Variants in SCUBE1 observed in about 807,000 individuals in gnomAD.
The protein encoded by SCUBE1 is signal peptide, CUB and EGF-like domain-containing protein 1.
Under a neutral mutation model 124.4 loss-of-function variants are expected in SCUBE1, and 59 were observed. That is an observed-to-expected ratio of 0.47 (90% CI 0.38 to 0.59). The LOEUF (loss-of-function observed/expected upper bound fraction) is 0.59, where lower values mean the gene tolerates loss of function less well. SCUBE1 is among the 20% of genes least tolerant of loss of function. The pLI is 0.00. For synonymous variants in SCUBE1, 545 were observed against 550.9 expected (o/e 0.99, Z 0.15); for missense variants, 1,150 against 1,371.2 (o/e 0.84, Z 2.55).
intron 20 of SCUBE1, 121 bp from the exon 21 acceptor site, chr22:43,207,734 G>C: frequency 1.3e-6 from 1 of 789,286 alleles, no homozygotes; most frequent in Non-Finnish European, 2.2e-6. Flanking sequence ...GGCTATGGCT[G>C]GCCGCAGCTC....
intron 14 of SCUBE1, among the ~76,000 whole-genome samples, chr22:43,218,704 C>T (rs1035232919): frequency 6.6e-6 from 1 of 152,238 alleles, no homozygotes; most frequent in Non-Finnish European, 1.5e-5. Context: ...GCAGCTGCCA[C>T]TGCACCACAT....
chr22:43,229,036 C>T (rs771941755), intron 9 of SCUBE1, 36 bp downstream of exon 9: 31 of 1,499,498 alleles, frequency 2.1e-5, no homozygotes, highest in Admixed American at 5.2e-5. Flanking sequence ...GCGCGTGCCT[C>T]GGGGGGGAGG....
At position 43,266,537 on chromosome 22, in the gene SCUBE1, C is replaced by T. The variant is rs549649562; in HGVS notation, c.485-3692G>A. Among the ~76,000 whole-genome samples, 13 of 152,318 alleles carry T rather than the reference C, an allele frequency of 8.5e-5. No homozygotes were observed. The South Asian group carries it at 2.7e-3, about 32-fold the overall frequency. On this transcript the variant is annotated intron_variant, in intron 4 of 21. Transcript: ENST00000360835. The stretch of plus-strand genomic sequence containing the variant: ...CAGGGTTGGACCCCTCCCTGCAGCG[C>T]ATCTTGTCTGTCTATCTTATAGAGA...
At chr22:43,240,158 G>T (rs1055974716) in intron 6 of SCUBE1, among the ~76,000 whole-genome samples, 1 of 152,222 alleles carries the variant, frequency 6.6e-6, no homozygotes, top group Middle Eastern at 3.4e-3. Context: ...GGTGGTGGGC[G>T]TCCTCCTCAT....
In SCUBE1 at chr22:43,225,490, G is replaced by A. The variant is rs979657488; in HGVS notation, c.1207+1884C>T. On this transcript the variant is annotated intron_variant, in intron 10 of 21. Transcript: ENST00000360835. ...AAGCAACAGATGGTAAAGAGCAGTA[G>A]AAGCGGCCGGGCTCGGTGGCTCACG... Among the ~76,000 whole-genome samples the A allele has an allele frequency of 2.7e-4, 41 of 151,766 alleles. 1 individual carries two copies. Among genetic ancestry groups the A allele is most frequent in the Admixed American group, 2.2e-3 (33 of 15,284 alleles).
At chr22:43,263,869 G>A (rs1923964893) in intron 4 of SCUBE1, among the ~76,000 whole-genome samples, 1 of 152,164 alleles carries the variant, frequency 6.6e-6, no homozygotes, top group Non-Finnish European at 1.5e-5. Flanking sequence ...ACTAAGCAAC[G>A]AGTTAGCACG....
At chr22:43,275,692 G>A (rs970211466) in intron 4 of SCUBE1, among the ~76,000 whole-genome samples, 5 of 152,246 alleles carry the variant, frequency 3.3e-5, no homozygotes, top group Non-Finnish European at 5.9e-5. Flanking sequence ...GGAAGGGAGG[G>A]GAATGGGAAA....
In SCUBE1 at chr22:43,210,675, G is replaced by A. The variant is rs1047734489; in HGVS notation, c.2383+247C>T. ...AGGGCAGAGGCTTGGGCTGTGTTGG[G>A]TGAGCAGTGGGAACTGATGAACGAT... On this transcript the variant is annotated intron_variant, in intron 18 of 21. Coordinates refer to ENST00000360835, the MANE Select transcript of SCUBE1 (RefSeq NM_173050.5). This position sits in a 1 kb window ranked among gnomAD's most constrained non-coding sequence, Gnocchi z 4.5. Among the ~76,000 whole-genome samples the A allele has an allele frequency of 2.0e-5, 3 of 152,240 alleles. No homozygotes were observed. The East Asian group carries it at 5.8e-4, about 29-fold the overall frequency.
chr22:43,278,069 A>G (rs1402416239), intron 4 of SCUBE1, among the ~76,000 whole-genome samples: 3 of 152,252 alleles, frequency 2.0e-5, no homozygotes, highest in African/African-American at 4.8e-5. Context: ...AGGGGCGTGA[A>G]GCTGGGCTTA....
intron 9 of SCUBE1, 140 bp downstream of exon 9, chr22:43,228,932 C>G (rs1922437331): frequency 1.5e-6 from 1 of 661,392 alleles, no homozygotes; most frequent in African/African-American, 1.8e-5. Flanking sequence ...AGCCCCTCTG[C>G]CCAGGAGTCC....
intron 4 of SCUBE1, chr22:43,270,559 G>T (rs919306065): frequency 1.3e-5 from 2 of 152,260 alleles, no homozygotes; most frequent in Admixed American, 1.3e-4. Context: ...AGCCCCCTGT[G>T]GGCCGGGAAC....
chr22:43,236,488 G>C (rs1276678123), intron 7 of SCUBE1, among the ~76,000 whole-genome samples: 1 of 152,228 alleles, frequency 6.6e-6, no homozygotes, highest in Non-Finnish European at 1.5e-5. Context: ...ACTGTGGCCA[G>C]TGTCAGTTCA....
At chr22:43,288,577 T>C (rs1925236304) in intron 4 of SCUBE1, among the ~76,000 whole-genome samples, 1 of 152,242 alleles carries the variant, frequency 6.6e-6, no homozygotes, top group Non-Finnish European at 1.5e-5. Flanking sequence ...CCAGGGCCTT[T>C]GCACGCGCCC....
chr22:43,325,155 C>G (rs2146790056), intron 2 of SCUBE1, among the ~76,000 whole-genome samples: 1 of 152,002 alleles, frequency 6.6e-6, no homozygotes, highest in African/African-American at 2.4e-5. Context: ...ACAGAAGAGG[C>G]TGAGGCTCAG....
chr22:43,307,967 T>C (rs1163338478), intron 3 of SCUBE1, among the ~76,000 whole-genome samples: 8 of 151,976 alleles, frequency 5.3e-5, no homozygotes, highest in African/African-American at 1.9e-4. Flanking sequence ...GGAAGAACCA[T>C]CTGGCCCCCT....
chr22:43,251,428 T>C (rs1923443218), intron 6 of SCUBE1, among the ~76,000 whole-genome samples: 1 of 152,198 alleles, frequency 6.6e-6, no homozygotes, highest in Non-Finnish European at 1.5e-5. Flanking sequence ...TGACCCTACC[T>C]GGCAGAAGGG....
At chr22:43,221,320 G>A in intron 12 of SCUBE1, 31 bp from the exon 13 acceptor site, 2 of 1,492,298 alleles carry the variant, frequency 1.3e-6, no homozygotes, top group Non-Finnish European at 1.9e-6. Context: ...CCCAGGTGGT[G>A]GCCTCTCCTG....
chr22:43,336,088 T>A (rs1039551311), intron 2 of SCUBE1, among the ~76,000 whole-genome samples: 1 of 152,220 alleles, frequency 6.6e-6, no homozygotes, highest in Non-Finnish European at 1.5e-5. Context: ...AATGAGTGCC[T>A]ACTGTGTATT....
At chr22:43,241,944 C>T (rs1015416503) in intron 6 of SCUBE1, among the ~76,000 whole-genome samples, 11 of 152,244 alleles carry the variant, frequency 7.2e-5, no homozygotes, top group African/African-American at 2.4e-4. Context: ...CACCTCTTCC[C>T]GCTTCGGGGC....
Sources: gnomAD v4.1 joint callset for allele counts (sites outside exome capture counted in the v4.1 genomes callset) on GRCh38, gnomAD v4.1.1 for gene constraint, Gnocchi (gnomAD v3.1) non-coding constraint, MANE v1.5 for transcripts, NCBI Gene and HGNC (gene_info 2026-07-23, HGNC 2026-07-21) for gene names.